Variants in GALNTL6 observed in about 807,000 individuals in gnomAD.
GALNTL6 encodes the protein polypeptide N-acetylgalactosaminyltransferase-like 6.
In GALNTL6, 46 loss-of-function variants were observed where a neutral mutation model predicts 73.7. That is an observed-to-expected ratio of 0.62 (90% CI 0.49 to 0.80). The LOEUF (loss-of-function observed/expected upper bound fraction) is 0.80, where lower values mean the gene tolerates loss of function less well. Among genes scored for constraint, GALNTL6 ranks in the 30% least tolerant of loss-of-function variants. The probability of loss-of-function intolerance (pLI) is 0.00; values close to 1 mark genes in which losing one functional copy is unlikely to be tolerated. For synonymous variants in GALNTL6, 259 were observed against 263.7 expected, an observed-to-expected ratio of 0.98 and a Z score of 0.17; for missense variants, 604 against 755.0, an observed-to-expected ratio of 0.80 and a Z score of 2.34.
intron 2 of GALNTL6, among the ~76,000 whole-genome samples, chr4:171,941,740 T>C (rs1000801212): frequency 7.2e-5 from 11 of 152,314 alleles, no homozygotes; most frequent in African/African-American, 2.4e-4. Flanking sequence ...AAAGAATCCA[T>C]TGATATTCTT....
intron 10 of GALNTL6, among the ~76,000 whole-genome samples, chr4:172,962,277 G>A (rs1370728267): frequency 1.3e-5 from 2 of 152,170 alleles, no homozygotes; most frequent in East Asian, 1.9e-4. Flanking sequence ...GGTCACAGGG[G>A]ATATGATGGC....
chr4:171,866,603 A>T (rs1365393351), intron 2 of GALNTL6, among the ~76,000 whole-genome samples: 1 of 152,122 alleles, frequency 6.6e-6, no homozygotes, highest in African/African-American at 2.4e-5. Flanking sequence ...GCCTGCTGTA[A>T]CAAAGTACCA....
At chr4:172,569,549 G>C (rs916542135) in intron 5 of GALNTL6, among the ~76,000 whole-genome samples, 1 of 152,136 alleles carries the variant, frequency 6.6e-6, no homozygotes, top group Non-Finnish European at 1.5e-5. Flanking sequence ...GGCATTTACC[G>C]CTCTGTCTTC....
intron 7 of GALNTL6, among the ~76,000 whole-genome samples, chr4:172,867,942 G>A (rs556930300): frequency 5.3e-5 from 8 of 152,258 alleles, no homozygotes; most frequent in East Asian, 1.9e-4. Context: ...ATTGATGCAC[G>A]GGCAGAAATA....
chr4:172,702,961 T>C (rs1734114589), intron 5 of GALNTL6, among the ~76,000 whole-genome samples: 1 of 151,964 alleles, frequency 6.6e-6, no homozygotes, highest in South Asian at 2.1e-4. Context: ...CTAGTTATTT[T>C]TATGTATAGT....
chr4:172,808,267 G>A (rs112768064), intron 5 of GALNTL6, among the ~76,000 whole-genome samples: 2 of 152,352 alleles, frequency 1.3e-5, no homozygotes, highest in African/African-American at 4.8e-5. Flanking sequence ...ATGAACCTCT[G>A]TGCACGGAGA....
chr4:172,615,365 A>G (rs1738683087), intron 5 of GALNTL6, among the ~76,000 whole-genome samples: 1 of 152,086 alleles, frequency 6.6e-6, no homozygotes, highest in Non-Finnish European at 1.5e-5. Context: ...TTACTTCTGT[A>G]TTATAATAGC....
At chr4:171,988,218 C>G (rs1189054047) in intron 2 of GALNTL6, among the ~76,000 whole-genome samples, 14 of 152,140 alleles carry the variant, frequency 9.2e-5, no homozygotes, top group Admixed American at 9.2e-4. Context: ...TCTGACCGCA[C>G]TAAGCATGCC....
At chr4:172,366,479 T>C (rs1014566787) in intron 5 of GALNTL6, among the ~76,000 whole-genome samples, 8 of 152,176 alleles carry the variant, frequency 5.3e-5, no homozygotes, top group Non-Finnish European at 8.8e-5. Flanking sequence ...TAGTGCCATG[T>C]CACCTTCATA....
At chr4:171,991,310 C>T (rs1400943306) in intron 2 of GALNTL6, among the ~76,000 whole-genome samples, 1 of 151,996 alleles carries the variant, frequency 6.6e-6, no homozygotes, top group African/African-American at 2.4e-5. Flanking sequence ...TATAAATTTT[C>T]CAAAATGTAT....
chr4:172,339,906 A>G (rs1229517395), intron 4 of GALNTL6, among the ~76,000 whole-genome samples: 2 of 152,168 alleles, frequency 1.3e-5, no homozygotes, highest in Non-Finnish European at 1.5e-5. Flanking sequence ...TTCTTGAATT[A>G]AAGTTCACAG....
At chr4:172,130,487 T>C (rs1245172805) in intron 2 of GALNTL6, among the ~76,000 whole-genome samples, 1 of 152,064 alleles carries the variant, frequency 6.6e-6, no homozygotes, top group Non-Finnish European at 1.5e-5. Flanking sequence ...AAAAATTATA[T>C]ATAGAAGCAA....
intron 5 of GALNTL6, among the ~76,000 whole-genome samples, chr4:172,431,210 G>C (rs774663561): frequency 1.3e-5 from 2 of 152,052 alleles, no homozygotes; most frequent in African/African-American, 4.8e-5. Flanking sequence ...GATTTGAATA[G>C]ATTTCCATAT....
intron 7 of GALNTL6, among the ~76,000 whole-genome samples, chr4:172,857,488 T>G (rs1486641272): frequency 6.6e-6 from 1 of 152,142 alleles, no homozygotes; most frequent in African/African-American, 2.4e-5. Flanking sequence ...GTGCAAGGCA[T>G]TGGAATTTGA....
intron 2 of GALNTL6, among the ~76,000 whole-genome samples, chr4:171,996,010 T>A (rs1227582299): frequency 6.6e-6 from 1 of 152,072 alleles, no homozygotes; most frequent in Non-Finnish European, 1.5e-5. Context: ...CCATTAAGAT[T>A]CATTTTATAC....
chr4:172,145,353 A>G (rs943184560), intron 2 of GALNTL6, among the ~76,000 whole-genome samples: 8 of 152,104 alleles, frequency 5.3e-5, no homozygotes, highest in South Asian at 4.2e-4. Context: ...TGTTAGCCAG[A>G]AGGGTCTCGA....
intron 11 of GALNTL6, among the ~76,000 whole-genome samples, chr4:173,020,776 TA>T (rs1752958166): frequency 6.6e-6 from 1 of 152,174 alleles, no homozygotes; most frequent in African/African-American, 2.4e-5. Context: ...CGTAGAGTGT[TA>T]TTAAGGACTT....
chr4:171,841,579 A>G (rs1641819585), intron 2 of GALNTL6, among the ~76,000 whole-genome samples: 1 of 152,136 alleles, frequency 6.6e-6, no homozygotes, highest in African/African-American at 2.4e-5. Context: ...CCAACATTGA[A>G]TAATTTGATA....
chr4:172,826,457 C>T (rs7683785), intron 7 of GALNTL6, among the ~76,000 whole-genome samples: 2,672 of 152,296 alleles, frequency 0.018, 70 homozygotes, highest in African/African-American at 0.057. Flanking sequence ...ACAAAAATAG[C>T]CATCCTTTGC....
Sources: gnomAD v4.1 joint callset for allele counts (sites outside exome capture counted in the v4.1 genomes callset) on GRCh38, gnomAD v4.1.1 for gene constraint, MANE v1.5 for transcripts, NCBI Gene and HGNC (gene_info 2026-07-23, HGNC 2026-07-21) for gene names.